OPCML: variants seen among roughly 807,000 people sequenced by gnomAD.
The protein encoded by OPCML is opioid-binding protein/cell adhesion molecule.
Under a neutral mutation model 37.8 loss-of-function variants are expected in OPCML, and 13 were observed. The observed-to-expected ratio is 0.34, with a 90% CI of 0.22 to 0.55. The LOEUF (loss-of-function observed/expected upper bound fraction) is 0.55, where lower values mean the gene tolerates loss of function less well. Among genes scored for constraint, OPCML ranks in the 20% least tolerant of loss-of-function variants. The pLI, the probability that OPCML is intolerant of heterozygous loss-of-function variation, is 0.91. For missense variants in OPCML, 341 were observed against 435.6 expected, an observed-to-expected ratio of 0.78 and a Z score of 1.93; for synonymous variants, 176 against 168.8, an observed-to-expected ratio of 1.04 and a Z score of -0.33.
At chr11:133,409,835 A>C (rs530191456) in intron 1 of OPCML, among the ~76,000 whole-genome samples, 1 of 152,240 alleles carries the variant, frequency 6.6e-6, no homozygotes, top group African/African-American at 2.4e-5. Context: ...GTTCTTATGG[A>C]TCCTGCAGTC....
At chr11:132,801,717 G>C (rs1341884731) in intron 2 of OPCML, among the ~76,000 whole-genome samples, 1 of 152,062 alleles carries the variant, frequency 6.6e-6, no homozygotes, top group Non-Finnish European at 1.5e-5. Flanking sequence ...GTTTAAAATC[G>C]CTTCTACCTG....
rs1208054502 is a variant in OPCML, at chr11:133,046,616, A to G, written c.62-103606T>C. Among the ~76,000 whole-genome samples the G allele has an allele frequency of 7.2e-5, 11 of 152,282 alleles. No homozygotes were observed. In the South Asian group the frequency reaches 2.3e-3, roughly 32 times the overall value. ...GCATTTACCAGCTAACACTTTGCCC[A>G]CATTCCTCCCTGCATAGCCCCTGGC... On this transcript the variant is annotated intron_variant, in intron 1 of 7. Coordinates refer to ENST00000524381, the MANE Select transcript of OPCML (RefSeq NM_001012393.5).
chr11:132,475,484 C>T lies in OPCML; in HGVS notation c.506-38125G>A, dbSNP rs532663764. Among the ~76,000 whole-genome samples the T allele has an allele frequency of 3.0e-4, 46 of 152,136 alleles. 1 individual carries two copies. Among genetic ancestry groups the T allele is most frequent in the African/African-American group, 8.9e-4 (37 of 41,500 alleles). On this transcript the variant is annotated intron_variant, in intron 4 of 7. Transcript: ENST00000524381. ...AGGGGGTGATTAAGTTACAATGAGG[C>T]CATTAGGGTGGGCCAAATCCAATCT...
intron 1 of OPCML, among the ~76,000 whole-genome samples, chr11:133,076,261 A>G (rs1451864364): frequency 6.6e-6 from 1 of 152,132 alleles, no homozygotes; most frequent in South Asian, 2.1e-4. Context: ...GTCTAATTCT[A>G]TATTAACTTT....
chr11:133,261,227 T>C (rs1189470057), intron 1 of OPCML, among the ~76,000 whole-genome samples: 1 of 152,228 alleles, frequency 6.6e-6, no homozygotes, highest in Admixed American at 6.5e-5. Flanking sequence ...CATCCAAATA[T>C]GGCCACCTCT....
At chr11:133,168,086 C>A (rs961105373) in intron 1 of OPCML, among the ~76,000 whole-genome samples, 1 of 152,144 alleles carries the variant, frequency 6.6e-6, no homozygotes, top group African/African-American at 2.4e-5. Flanking sequence ...ATTCAGTGAT[C>A]CAATGATGTC....
At chr11:132,654,511 C>T (rs768724828) in intron 3 of OPCML, among the ~76,000 whole-genome samples, 3 of 151,436 alleles carry the variant, frequency 2.0e-5, no homozygotes, top group Non-Finnish European at 4.4e-5. Context: ...AGCTCTTCCC[C>T]AAGAGAAGCT....
intron 1 of OPCML, among the ~76,000 whole-genome samples, chr11:133,425,920 A>G (rs1945993867): frequency 6.6e-6 from 1 of 152,200 alleles, no homozygotes. Flanking sequence ...CTGTATAACA[A>G]TAATTATTTT....
At chr11:132,427,803 A>C (rs2095982638) in intron 7 of OPCML, among the ~76,000 whole-genome samples, 1 of 152,334 alleles carries the variant, frequency 6.6e-6, no homozygotes, top group African/African-American at 2.4e-5. Flanking sequence ...TCAATGATTC[A>C]GAGCGAGGAG....
chr11:132,924,165 A>G (rs1252106480), intron 2 of OPCML, among the ~76,000 whole-genome samples: 2 of 151,998 alleles, frequency 1.3e-5, no homozygotes, highest in Non-Finnish European at 2.9e-5. Context: ...GAAGAGGGAC[A>G]GAGAGAAAAG....
chr11:132,529,821 A>G (rs2096319175), intron 3 of OPCML, among the ~76,000 whole-genome samples: 1 of 152,216 alleles, frequency 6.6e-6, no homozygotes, highest in Admixed American at 6.5e-5. Context: ...CCTGGATCCA[A>G]CCAGCAATGT....
chr11:132,690,246 G>A (rs559460357), intron 2 of OPCML, among the ~76,000 whole-genome samples: 1 of 152,092 alleles, frequency 6.6e-6, no homozygotes, highest in Non-Finnish European at 1.5e-5. Context: ...GGCCAAGCCA[G>A]GTTCTTAAAC....
chr11:132,473,877 C>T (rs2096145944), intron 4 of OPCML, among the ~76,000 whole-genome samples: 1 of 151,994 alleles, frequency 6.6e-6, no homozygotes, highest in Non-Finnish European at 1.5e-5. Context: ...TACATAAGGC[C>T]CAAAAGTCAT....
intron 3 of OPCML, among the ~76,000 whole-genome samples, chr11:132,530,230 C>T (rs879922922): frequency 6.6e-6 from 1 of 151,978 alleles, no homozygotes; most frequent in Admixed American, 6.6e-5. Context: ...AGGACCATGC[C>T]CATGTACCCA....
At chr11:133,504,698 G>C (rs753328827) in intron 1 of OPCML, among the ~76,000 whole-genome samples, 1 of 152,200 alleles carries the variant, frequency 6.6e-6, no homozygotes, top group Non-Finnish European at 1.5e-5. Context: ...GTGGCCCCAG[G>C]AGCTAGCAGA....
At chr11:132,904,029 G>T (rs1052061449) in intron 2 of OPCML, among the ~76,000 whole-genome samples, 2 of 152,218 alleles carry the variant, frequency 1.3e-5, no homozygotes, top group African/African-American at 4.8e-5. Flanking sequence ...AATTCTAGGT[G>T]ACTGGATCAA....
chr11:132,743,128 C>T lies in OPCML; in HGVS notation c.147-85809G>A, dbSNP rs562340246. ...TTCTGGTGCATGACAACGTCATGCT[C>T]GTGAATGGACTTCCTCTTTCACATT... is the stretch of plus-strand genomic sequence containing the variant. On this transcript the variant is annotated intron_variant, in intron 2 of 7. Coordinates refer to ENST00000524381, the MANE Select transcript of OPCML (RefSeq NM_001012393.5). Among the ~76,000 whole-genome samples the T allele has an allele frequency of 5.3e-5, 8 of 152,156 alleles. No homozygotes were observed. The South Asian group carries it at 1.5e-3, about 28-fold the overall frequency.
intron 3 of OPCML, among the ~76,000 whole-genome samples, chr11:132,587,574 T>A (rs1308684197): frequency 6.6e-6 from 1 of 152,156 alleles, no homozygotes; most frequent in African/African-American, 2.4e-5. Context: ...GACAAAGGAC[T>A]TTCTCTATTC....
At chr11:133,308,780 G>A (rs1942996589) in intron 1 of OPCML, among the ~76,000 whole-genome samples, 1 of 152,174 alleles carries the variant, frequency 6.6e-6, no homozygotes, top group Non-Finnish European at 1.5e-5. Flanking sequence ...GGAAAAATGT[G>A]AGTCTGTAGC....
Sources: allele counts gnomAD v4.1 joint callset (sites outside exome capture counted in the v4.1 genomes callset), GRCh38; gene constraint gnomAD v4.1.1; transcripts MANE v1.5; gene names NCBI Gene and HGNC (gene_info 2026-07-23, HGNC 2026-07-21).